The following SLC25A12 variants were observed in gnomAD, a reference collection of about 807,000 sequenced individuals.
SLC25A12 encodes the protein solute carrier family 25 member 12.
Under a neutral mutation model 83.3 loss-of-function variants are expected in SLC25A12, and 32 were observed. The observed-to-expected ratio is 0.38, with a 90% CI of 0.29 to 0.52. The LOEUF (loss-of-function observed/expected upper bound fraction) is 0.52, where lower values mean the gene tolerates loss of function less well. Among genes scored for constraint, SLC25A12 ranks in the 20% least tolerant of loss-of-function variants. The probability of loss-of-function intolerance (pLI) is 0.84; values close to 1 mark genes in which losing one functional copy is unlikely to be tolerated. For missense variants in SLC25A12, 611 were observed against 835.6 expected, an observed-to-expected ratio of 0.73 and a Z score of 3.31; for synonymous variants, 267 against 291.1, an observed-to-expected ratio of 0.92 and a Z score of 0.84.
intron 2 of SLC25A12, 126 bp from the exon 3 acceptor site, chr2:171,868,949 A>G: frequency 1.2e-6 from 1 of 860,350 alleles, no homozygotes; most frequent in South Asian, 1.6e-5. Context: ...ATAAATGCAG[A>G]ATTTTTCTCT....
At position 171,870,394 on chromosome 2, in the gene SLC25A12, G is replaced by A. The variant is rs570954109; in HGVS notation, c.67-1571C>T. On this transcript the variant is annotated intron_variant, in intron 2 of 17. Coordinates refer to ENST00000422440, the MANE Select transcript of SLC25A12 (RefSeq NM_003705.5). ...TTCCAGCACTTGGGGAGGCCAAGGC[G>A]GGCAACTGCTTGAGCCCAGGAGTTC... 2.1e-4 allele frequency among the ~76,000 whole-genome samples: 32 copies of A among 152,004 alleles called. 1 individual carries two copies. In the South Asian group the frequency reaches 4.6e-3, roughly 22 times the overall value.
chr2:171,866,499 C>G (rs1323202164), intron 3 of SLC25A12, among the ~76,000 whole-genome samples: 13 of 142,228 alleles, frequency 9.1e-5, no homozygotes, highest in South Asian at 7.0e-4. Flanking sequence ...GGTGGCTGGC[C>G]GGGCAGAGGG....
intron 2 of SLC25A12, among the ~76,000 whole-genome samples, chr2:171,889,479 T>G (rs901576639): frequency 6.6e-6 from 1 of 152,186 alleles, no homozygotes; most frequent in Non-Finnish European, 1.5e-5. Context: ...GCTTATCACC[T>G]AAGCTACTTC....
chr2:171,866,888 C>T (rs1303561607), intron 3 of SLC25A12, among the ~76,000 whole-genome samples: 2 of 149,928 alleles, frequency 1.3e-5, no homozygotes, highest in Non-Finnish European at 3.0e-5. Flanking sequence ...GGGCGGCTGC[C>T]GGGCGGAGGG....
Position 171,810,841 on chromosome 2 carries a change from C to T in SLC25A12, c.1172-565G>A, listed in dbSNP as rs1683933756. ...GAAGCCAAAACTGCAAAGAAAAATG[C>T]AGTTTTAAGTATTGTTTAACGAGTA... On this transcript the variant is annotated intron_variant, in intron 11 of 17. Coordinates refer to ENST00000422440, the MANE Select transcript of SLC25A12 (RefSeq NM_003705.5). Among the ~76,000 whole-genome samples the T allele has an allele frequency of 1.3e-5, 2 of 152,180 alleles. 1 individual carries two copies. The highest frequency in any genetic ancestry group is 4.1e-4 in the South Asian group (2 of 4,826).
chr2:171,797,736 C>T (rs752723602), intron 13 of SLC25A12, among the ~76,000 whole-genome samples: 3 of 151,994 alleles, frequency 2.0e-5, no homozygotes, highest in Non-Finnish European at 4.4e-5. Context: ...ATCAAAAAAC[C>T]TAATCAAATA....
intron 2 of SLC25A12, among the ~76,000 whole-genome samples, chr2:171,888,064 A>AAGTC (rs1352345788): frequency 6.6e-6 from 1 of 151,768 alleles, no homozygotes; most frequent in Non-Finnish European, 1.5e-5. Flanking sequence ...ATACATAAAT[A>AAGTC]AGTCAGTTGC....
intron 3 of SLC25A12, among the ~76,000 whole-genome samples, chr2:171,866,893 G>A (rs1390759825): frequency 1.0e-4 from 15 of 149,720 alleles, no homozygotes; most frequent in Admixed American, 4.0e-4. Context: ...GCTGCCGGGC[G>A]GAGGGGCTCC....
intron 9 of SLC25A12, among the ~76,000 whole-genome samples, chr2:171,820,152 C>A (rs4668413): frequency 0.79 from 119,714 of 152,054 alleles, 47,818 homozygotes; most frequent in East Asian, 0.89. Flanking sequence ...TGATGGAATA[C>A]TATGTACAAA....
At chr2:171,809,799 T>A (rs1683912625) in intron 12 of SLC25A12, 113 bp from the exon 13 acceptor site, 2 of 797,996 alleles carry the variant, frequency 2.5e-6, no homozygotes, top group Admixed American at 3.8e-5. Context: ...TTTAAAATTA[T>A]CAAATGCTTA....
intron 15 of SLC25A12, chr2:171,788,516 G>A (rs969694751): frequency 1.3e-5 from 2 of 157,176 alleles, no homozygotes; most frequent in African/African-American, 4.8e-5. Context: ...ACTGGAGCAA[G>A]AGGTGGCCAG....
intron 4 of SLC25A12, among the ~76,000 whole-genome samples, chr2:171,851,454 G>A (rs1301052740): frequency 1.3e-5 from 2 of 148,962 alleles, no homozygotes; most frequent in Admixed American, 1.3e-4. Context: ...CTCCCAAAGT[G>A]CTGGGATTAC....
intron 3 of SLC25A12, among the ~76,000 whole-genome samples, chr2:171,859,901 G>A (rs956579792): frequency 1.3e-5 from 2 of 152,062 alleles, no homozygotes; most frequent in East Asian, 1.9e-4. Flanking sequence ...CTGAGTAGCT[G>A]GGATTACAGG....
chr2:171,884,380 G>A (rs1441617583), intron 2 of SLC25A12, among the ~76,000 whole-genome samples: 9 of 151,328 alleles, frequency 5.9e-5, no homozygotes, highest in South Asian at 4.2e-4. Flanking sequence ...TAGTAGAGAC[G>A]GGGTTTCACC....
rs572742490 is a variant in SLC25A12 at position 171,854,400 on chromosome 2, C to T, written c.325+1434G>A. Among the ~76,000 whole-genome samples, 30 of 152,174 alleles carry T rather than the reference C, an allele frequency of 2.0e-4. No homozygotes were observed. The South Asian group carries it at 5.6e-3, about 28-fold the overall frequency. ...TGGCCAACATGGTAAAACCCCATCT[C>T]CACTAAGAATACAAAAATTAGCTGG... On this transcript the variant is annotated intron_variant, in intron 4 of 17. Coordinates refer to ENST00000422440, the MANE Select transcript of SLC25A12 (RefSeq NM_003705.5).
chr2:171,811,902 C>G (rs1683952811), intron 11 of SLC25A12, among the ~76,000 whole-genome samples: 1 of 152,042 alleles, frequency 6.6e-6, no homozygotes, highest in African/African-American at 2.4e-5. Flanking sequence ...GGTCATTATT[C>G]AACAAAGAAA....
chr2:171,809,652 C>A lies in SLC25A12; in HGVS notation c.1259G>T (p.Arg420Ile). The change falls in exon 13 of 18, where the codon AGA becomes ATA. Residue 420 changes from arginine to isoleucine, a missense_variant. By Grantham distance (97) the Arg-to-Ile change is moderately conservative. Coordinates refer to ENST00000422440, the MANE Select transcript of SLC25A12 (RefSeq NM_003705.5). The stretch of plus-strand genomic sequence containing the variant: ...TGCTGGAAGTGGAACAGAGCCATCT[C>A]TTCTGGTAAATTTGTCCCGAACAAA... The part of the protein sequence containing the change: ...NDFVRDKFTR[R>I]DGSVPLPAEV... The A allele has an allele frequency of 6.2e-7, 1 of 1,614,100 alleles. No individual in the cohort carries two copies. The highest frequency in any genetic ancestry group is 1.1e-5 in the South Asian group (1 of 91,082).
At position 171,813,352 on chromosome 2, in the gene SLC25A12, A is replaced by C. The variant is rs1174146962; in HGVS notation, c.1158T>G (p.Phe386Leu). The change falls in exon 11 of 18, where the codon TTT becomes TTG. Residue 386 changes from phenylalanine to leucine, a missense_variant. Coordinates refer to ENST00000422440, the MANE Select transcript of SLC25A12 (RefSeq NM_003705.5). ...TTGCTTACTCACCCCTGTAGAGTCC[A>C]AAGAAGCCCTCATAACGCAAGACTT... Reference protein sequence around the residue: ...FKKVLRYEGFFGLYRGLIPQL... With the variant: ...FKKVLRYEGFLGLYRGLIPQL... The C allele has an allele frequency of 6.2e-7, 1 of 1,614,070 alleles. No individual in the cohort carries two copies. The highest frequency in any genetic ancestry group is 8.5e-7 in the Non-Finnish European group (1 of 1,179,942).
At position 171,833,853 on chromosome 2, in the gene SLC25A12, T is replaced by C. The variant is rs1684499792; in HGVS notation, c.845+110A>G. On this transcript the variant is annotated intron_variant, in intron 8 of 17. Transcript: ENST00000422440. ...GAATTTATATTCTGAATATAAACTATTCAAATACATGGAAAAAACTCATGT... is the reference window on the plus strand; with the variant it reads ...GAATTTATATTCTGAATATAAACTACTCAAATACATGGAAAAAACTCATGT... 3 of 717,196 alleles carry C rather than the reference T, an allele frequency of 4.2e-6. No homozygotes were observed. The African/African-American group carries it at 5.3e-5, about 13-fold the overall frequency. The allele number at this position is 717,196 out of a possible 1,614,324, so 44.4% of individuals were successfully genotyped here. A position where few individuals can be genotyped will look rare whatever the true frequency, so the allele number is the denominator to read the frequency against.
Sources: allele counts gnomAD v4.1 joint callset (sites outside exome capture counted in the v4.1 genomes callset), GRCh38; gene constraint gnomAD v4.1.1; transcripts MANE v1.5; gene names NCBI Gene and HGNC (gene_info 2026-07-23, HGNC 2026-07-21).